CSTPP1: variants seen among roughly 807,000 people sequenced by gnomAD.
CSTPP1 encodes UPF0705 protein C11orf49.
the CSTPP1 span, among the ~76,000 whole-genome samples, chr11:47,150,410 A>G: frequency 6.6e-6 from 1 of 152,172 alleles, no homozygotes; most frequent in African/African-American, 2.4e-5. Flanking sequence ...AGTGCCTACT[A>G]TGTGCCAGAC....
the CSTPP1 span, among the ~76,000 whole-genome samples, chr11:46,956,238 A>AGGGGAAT: frequency 6.6e-6 from 1 of 152,198 alleles, no homozygotes; most frequent in Non-Finnish European, 1.5e-5. Context: ...TAATAGGGGA[A>AGGGGAAT]GGGGAATACA....
At chr11:47,042,463 G>T in the CSTPP1 span, among the ~76,000 whole-genome samples, 1 of 151,456 alleles carries the variant, frequency 6.6e-6, no homozygotes, top group Non-Finnish European at 1.5e-5. Flanking sequence ...ATGTCTGTGT[G>T]TGTGTGTGAG....
chr11:46,974,075 C>G, the CSTPP1 span, among the ~76,000 whole-genome samples: 2 of 151,992 alleles, frequency 1.3e-5, no homozygotes, highest in African/African-American at 2.4e-5. Context: ...AAAACAAAAA[C>G]AAAAAATTAA....
At chr11:46,943,310 C>G in the CSTPP1 span, among the ~76,000 whole-genome samples, 1 of 152,212 alleles carries the variant, frequency 6.6e-6, no homozygotes, top group African/African-American at 2.4e-5. Context: ...AAACTACACA[C>G]AAAGATACCA....
At chr11:47,060,114 A>G in the CSTPP1 span, among the ~76,000 whole-genome samples, 1 of 42,842 alleles carries the variant, frequency 2.3e-5, no homozygotes, top group African/African-American at 1.0e-4. Flanking sequence ...GAAAAAAAAA[A>G]AAAAGAAAAG....
the CSTPP1 span, among the ~76,000 whole-genome samples, chr11:47,133,994 T>TC: frequency 2.6e-5 from 4 of 152,034 alleles, no homozygotes; most frequent in Non-Finnish European, 5.9e-5. Flanking sequence ...CTCCCTTCTC[T>TC]CCCTCCCACC....
At chr11:46,952,344 A>G in the CSTPP1 span, among the ~76,000 whole-genome samples, 2 of 152,244 alleles carry the variant, frequency 1.3e-5, no homozygotes, top group African/African-American at 2.4e-5. Flanking sequence ...AGATGCAAAC[A>G]TCACTTGTGC....
At chr11:46,939,389 A>G in the CSTPP1 span, among the ~76,000 whole-genome samples, 2 of 152,100 alleles carry the variant, frequency 1.3e-5, no homozygotes, top group Admixed American at 6.5e-5. Flanking sequence ...GCGCCCAGCC[A>G]ACATCTTTTT....
the CSTPP1 span, among the ~76,000 whole-genome samples, chr11:46,962,109 A>T: frequency 6.6e-6 from 1 of 151,692 alleles, no homozygotes; most frequent in Non-Finnish European, 1.5e-5. Context: ...GGAGGTAATC[A>T]CCCCCATGAT....
At chr11:47,119,776 T>A in the CSTPP1 span, among the ~76,000 whole-genome samples, 1 of 151,962 alleles carries the variant, frequency 6.6e-6, no homozygotes, top group Non-Finnish European at 1.5e-5. Flanking sequence ...CACGCCCAGC[T>A]AATTTTGTAT....
At chr11:47,159,461 G>A in the CSTPP1 span, among the ~76,000 whole-genome samples, 2 of 151,848 alleles carry the variant, frequency 1.3e-5, no homozygotes, top group Non-Finnish European at 2.9e-5. Flanking sequence ...GGTGAGCCGA[G>A]ATCACGCCAT....
the CSTPP1 span, among the ~76,000 whole-genome samples, chr11:46,973,775 G>GCTGTAT: frequency 1.7e-5 from 1 of 57,640 alleles, no homozygotes; most frequent in Non-Finnish European, 3.5e-5. Context: ...TATACTGGAG[G>GCTGTAT]GTGTATGTGT....
At chr11:47,060,485 G>T in the CSTPP1 span, among the ~76,000 whole-genome samples, 1 of 151,644 alleles carries the variant, frequency 6.6e-6, no homozygotes, top group Admixed American at 6.6e-5. Flanking sequence ...CAGTCCACCC[G>T]CCTCAGCCTC....
At chr11:47,078,534 G>A in the CSTPP1 span, among the ~76,000 whole-genome samples, 1 of 152,176 alleles carries the variant, frequency 6.6e-6, no homozygotes, top group Non-Finnish European at 1.5e-5. Flanking sequence ...CGATGCAAGC[G>A]TAAAGGGGAT....
the CSTPP1 span, among the ~76,000 whole-genome samples, chr11:46,975,406 G>A: frequency 6.6e-6 from 1 of 152,152 alleles, no homozygotes; most frequent in Non-Finnish European, 1.5e-5. Flanking sequence ...TATTTATAAT[G>A]TGAAAACAAA....
the CSTPP1 span, among the ~76,000 whole-genome samples, chr11:47,121,019 G>A: frequency 6.6e-6 from 1 of 152,020 alleles, no homozygotes; most frequent in South Asian, 2.1e-4. Flanking sequence ...GTATACAGTG[G>A]CCTTCCCTGC....
the CSTPP1 span, among the ~76,000 whole-genome samples, chr11:47,047,575 C>A: frequency 6.6e-6 from 1 of 152,120 alleles, no homozygotes; most frequent in Non-Finnish European, 1.5e-5. Context: ...TAGAAGAAAA[C>A]AGGGGACAGT....
chr11:46,970,942 G>T, the CSTPP1 span, among the ~76,000 whole-genome samples: 1 of 152,110 alleles, frequency 6.6e-6, no homozygotes, highest in Non-Finnish European at 1.5e-5. Context: ...CCATTACAAA[G>T]AATTAGATTT....
the CSTPP1 span, among the ~76,000 whole-genome samples, chr11:47,010,409 G>T: frequency 6.6e-6 from 1 of 152,210 alleles, no homozygotes; most frequent in East Asian, 1.9e-4. Context: ...TAAGCAAAGA[G>T]ACTGGAGTGG....
Sources: allele counts gnomAD v4.1 joint callset (sites outside exome capture counted in the v4.1 genomes callset), GRCh38; gene constraint gnomAD v4.1.1; transcripts MANE v1.5; gene names NCBI Gene and HGNC (gene_info 2026-07-23, HGNC 2026-07-21).